MAP3K3: variants seen among roughly 807,000 people sequenced by gnomAD.
MAP3K3 encodes mitogen-activated protein kinase kinase kinase 3.
In MAP3K3, 12 loss-of-function variants were observed where a neutral mutation model predicts 80.9. The ratio of observed to expected loss-of-function variants is 0.15; its 90% confidence interval spans 0.10 to 0.24. The LOEUF is 0.24. MAP3K3 is among the 10% of genes least tolerant of loss of function. MAP3K3 has a pLI of 1.00. For missense variants in MAP3K3, 596 were observed against 834.7 expected, an observed-to-expected ratio of 0.71 and a Z score of 3.52; for synonymous variants, 272 against 307.1, an observed-to-expected ratio of 0.89 and a Z score of 1.19.
At position 63,693,081 on chromosome 17, in the gene MAP3K3, G is replaced by A. The variant is rs886588110; in HGVS notation, c.1653-468G>A. Among the ~76,000 whole-genome samples the A allele has an allele frequency of 2.0e-5, 3 of 152,120 alleles. No homozygotes were observed. Among genetic ancestry groups the A allele is most frequent in the Non-Finnish European group, 4.4e-5 (3 of 68,010 alleles). On this transcript the variant is annotated intron_variant, in intron 15 of 15. Coordinates refer to ENST00000361733, the MANE Select transcript of MAP3K3 (RefSeq NM_002401.5). This position sits in a 1 kb window ranked among gnomAD's most constrained non-coding sequence, Gnocchi z 4.2. The stretch of plus-strand genomic sequence containing the variant: ...ATACAAGGAGGGGACCATGAGCCAC[G>A]AAATGCAGGTGGCCTCTAGAACCCA...
chr17:63,693,648 C>T lies in MAP3K3; in HGVS notation c.1752C>T (p.Thr584=). The T allele has an allele frequency of 6.2e-7, 1 of 1,610,052 alleles. No individual in the cohort carries two copies. The highest frequency in any genetic ancestry group is 8.5e-7 in the Non-Finnish European group (1 of 1,177,410). ...TCTTCAAGATTGCCACCCAGCCCACCAATCCTCAGCTGCCCTCCCACATCT... is the reference window on the plus strand; with the variant it reads ...TCTTCAAGATTGCCACCCAGCCCACTAATCCTCAGCTGCCCTCCCACATCT... ...AAIFKIATQP[T]NPQLPSHISE... Residue 584 remains threonine, a synonymous_variant, in exon 16 of 16, where the codon ACC becomes ACT. Coordinates refer to ENST00000361733, the MANE Select transcript of MAP3K3 (RefSeq NM_002401.5). The surrounding 1 kb of genome is among the most constrained non-coding windows in gnomAD (Gnocchi z 4.2).
intron 2 of MAP3K3, among the ~76,000 whole-genome samples, chr17:63,641,853 G>A (rs1312728442): frequency 6.6e-6 from 1 of 152,126 alleles, no homozygotes; most frequent in African/African-American, 2.4e-5. Flanking sequence ...AGGGGTGGGA[G>A]AGGGCATGAA....
chr17:63,672,283 CA>C (rs150268322), intron 6 of MAP3K3, among the ~76,000 whole-genome samples: 937 of 46,572 alleles, frequency 0.02, 4 homozygotes, highest in African/African-American at 0.053. Context: ...AACTCCATCT[CA>C]AAAAAAAAAA....
chr17:63,692,164 C>A lies in MAP3K3; in HGVS notation c.1475-78C>A. On this transcript the variant is annotated intron_variant, in intron 14 of 15. Transcript: ENST00000361733. The surrounding 1 kb of genome is among the most constrained non-coding windows in gnomAD (Gnocchi z 4.5). ...TAGCCCTGCCCTCTCCAGCAGCTCTCAGTGACCCGGGGGTGGGGAGGATGG... is the reference window on the plus strand; with the variant it reads ...TAGCCCTGCCCTCTCCAGCAGCTCTAAGTGACCCGGGGGTGGGGAGGATGG... The A allele has an allele frequency of 1.3e-6, 2 of 1,539,072 alleles. No individual in the cohort carries two copies. Among genetic ancestry groups the A allele is most frequent in the Non-Finnish European group, 1.8e-6 (2 of 1,120,388 alleles).
At chr17:63,643,532 TA>T (rs143906001) in intron 2 of MAP3K3, among the ~76,000 whole-genome samples, 2,794 of 151,996 alleles carry the variant, frequency 0.018, 81 homozygotes, top group African/African-American at 0.064. Context: ...ATAATAATAA[TA>T]GGGGAAACTG....
At chr17:63,688,309 G>T in intron 8 of MAP3K3, 1 of 589,554 alleles carries the variant, frequency 1.7e-6, no homozygotes, top group Non-Finnish European at 3.0e-6. Context: ...TCAGATGGGG[G>T]AGATTTACCA....
At chr17:63,651,221 C>A (rs2034648931) in intron 3 of MAP3K3, among the ~76,000 whole-genome samples, 1 of 152,032 alleles carries the variant, frequency 6.6e-6, no homozygotes, top group Admixed American at 6.6e-5. Context: ...TGGTGGCTTA[C>A]ACCTATAATA....
In MAP3K3 at chr17:63,685,593, A is replaced by G. The variant is rs2035432134; in HGVS notation, c.710+3A>G. On this transcript the variant is annotated splice_donor_region_variant and intron_variant, in intron 8 of 15. Coordinates refer to ENST00000361733, the MANE Select transcript of MAP3K3 (RefSeq NM_002401.5). The stretch of plus-strand genomic sequence containing the variant: ...TCCTTGGACAGGTCAGCAGACAGGT[A>G]TGGGACTGTGGGTGGTTTGGAGGGT... The G allele has an allele frequency of 6.2e-7, 1 of 1,613,716 alleles. No individual in the cohort carries two copies. The highest frequency in any genetic ancestry group is 1.3e-5 in the African/African-American group (1 of 74,912).
chr17:63,659,848 T>A (rs2034851784), intron 5 of MAP3K3, among the ~76,000 whole-genome samples: 1 of 152,040 alleles, frequency 6.6e-6, no homozygotes, highest in African/African-American at 2.4e-5. Context: ...TTTTTTTAAA[T>A]ACAAAAACTG....
chr17:63,691,543 C>T lies in MAP3K3; in HGVS notation c.1345-190C>T, dbSNP rs1027345310. 2.0e-5 allele frequency among the ~76,000 whole-genome samples: 3 copies of T among 152,140 alleles called. No homozygotes were observed. The highest frequency in any genetic ancestry group is 7.2e-5 in the African/African-American group (3 of 41,430). On this transcript the variant is annotated intron_variant, in intron 13 of 15. Transcript: ENST00000361733. This position sits in a 1 kb window ranked among gnomAD's most constrained non-coding sequence, Gnocchi z 4.8. ...CCTCCCTGCTCCTGGATTTGGGTGG[C>T]GCTCTGCTTGAGAAGGACTTGGGGT...
rs1827087934 is a variant in MAP3K3, at chr17:63,647,330, C to CT, written c.167+1258dup. Among the ~76,000 whole-genome samples, 3 of 152,206 alleles carry CT rather than the reference C, an allele frequency of 2.0e-5. No individual in the cohort carries two copies. The South Asian group carries it at 6.2e-4, about 31-fold the overall frequency. Reference sequence around the variant, plus strand: ...CATTAGCAGAGAAGTTAAATTGTCACTTCACTGTTGCTACTTTTCACATTT... The same window carrying CT: ...CATTAGCAGAGAAGTTAAATTGTCACTTTCACTGTTGCTACTTTTCACATTT... On this transcript the variant is annotated intron_variant, in intron 3 of 15. Transcript: ENST00000361733.
At chr17:63,649,730 C>T (rs1261615421) in intron 3 of MAP3K3, among the ~76,000 whole-genome samples, 1 of 152,192 alleles carries the variant, frequency 6.6e-6, no homozygotes, top group African/African-American at 2.4e-5. Flanking sequence ...TCAGTTTAAT[C>T]AATTTAAATT....
intron 8 of MAP3K3, among the ~76,000 whole-genome samples, chr17:63,685,954 C>G (rs183114412): frequency 2.7e-3 from 406 of 152,280 alleles, no homozygotes; most frequent in Non-Finnish European, 5.0e-3. Context: ...TCATCCATTG[C>G]TTTACCATCA....
chr17:63,659,687 C>G (rs1459692359), intron 5 of MAP3K3, among the ~76,000 whole-genome samples: 1 of 151,716 alleles, frequency 6.6e-6, no homozygotes, highest in Admixed American at 6.6e-5. Context: ...TGCACGACAC[C>G]ACGCCCCGCT....
At chr17:63,647,307 T>C (rs1415909682) in intron 3 of MAP3K3, among the ~76,000 whole-genome samples, 1 of 152,222 alleles carries the variant, frequency 6.6e-6, no homozygotes, top group African/African-American at 2.4e-5. Flanking sequence ...TGTCCTGCCA[T>C]TAGCAGAGAA....
At position 63,694,003 on chromosome 17, in the gene MAP3K3, T is replaced by C; in HGVS notation, c.*226T>C. 2.0e-6 allele frequency: 1 copy of C among 508,332 alleles called. No homozygotes were observed. Among genetic ancestry groups the C allele is most frequent in the East Asian group, 3.6e-5 (1 of 28,064 alleles). The allele number at this position is 508,332 out of a possible 1,614,324, so 31.5% of individuals were successfully genotyped here. A position where few individuals can be genotyped will look rare whatever the true frequency, so the allele number is the denominator to read the frequency against. ...AGCCTGTCAGATCCAGGAGCTCCAG[T>C]GTCCTGAGCTCAGCGTGGAGGGGTA... is the stretch of plus-strand genomic sequence containing the variant. On this transcript the variant is annotated 3_prime_UTR_variant, in exon 16 of 16. Coordinates refer to ENST00000361733, the MANE Select transcript of MAP3K3 (RefSeq NM_002401.5).
chr17:63,634,562 A>G (rs990914555), intron 2 of MAP3K3: 1 of 660,984 alleles, frequency 1.5e-6, no homozygotes, highest in East Asian at 2.7e-5. Flanking sequence ...GTGGTTATGA[A>G]GGCAGAAGCC....
chr17:63,634,639 C>A, intron 2 of MAP3K3: 2 of 1,272,830 alleles, frequency 1.6e-6, no homozygotes, highest in Non-Finnish European at 2.3e-6. Context: ...CCATGATTTA[C>A]TTCAATGTTG....
At chr17:63,685,916 T>C (rs942723170) in intron 8 of MAP3K3, among the ~76,000 whole-genome samples, 1 of 152,226 alleles carries the variant, frequency 6.6e-6, no homozygotes. Flanking sequence ...GAGTGGACTG[T>C]CAGTGTTTTA....
Sources: allele counts gnomAD v4.1 joint callset (sites outside exome capture counted in the v4.1 genomes callset), GRCh38; gene constraint gnomAD v4.1.1; non-coding constraint Gnocchi (gnomAD v3.1); transcripts MANE v1.5; gene names NCBI Gene and HGNC (gene_info 2026-07-23, HGNC 2026-07-21).